CLIC5: variants seen among roughly 807,000 people sequenced by gnomAD.
CLIC5 encodes the protein chloride intracellular channel protein 5.
Under a neutral mutation model 24.7 loss-of-function variants are expected in CLIC5, and 20 were observed. The observed-to-expected ratio is 0.81, with a 90% CI of 0.57 to 1.18. The LOEUF (loss-of-function observed/expected upper bound fraction) is 1.18. CLIC5 is among the 50% of genes most tolerant of loss of function. The pLI, the probability that CLIC5 is intolerant of heterozygous loss-of-function variation, is 0.00. For missense variants in CLIC5, 341 were observed against 326.1 expected (o/e 1.05, Z -0.35); for synonymous variants, 159 against 135.6 (o/e 1.17, Z -1.20).
In CLIC5 at chr6:45,974,205, C is replaced by T. The variant is rs1366107251; in HGVS notation, c.64-18961G>A. Among the ~76,000 whole-genome samples the T allele has an allele frequency of 6.6e-5, 10 of 151,388 alleles. No individual in the cohort carries two copies. The Admixed American group carries it at 6.6e-4, about 10-fold the overall frequency. On this transcript the variant is annotated intron_variant, in intron 1 of 5. Transcript: ENST00000339561. ...ACCACCAGGCTGGGAATCAGAAATC[C>T]TGGGTTTCTGTCCTTATGCTCCCCT...
chr6:45,918,899 C>A (rs1763139233), intron 4 of CLIC5: 1 of 934,738 alleles, frequency 1.1e-6, no homozygotes, highest in African/African-American at 1.8e-5. Flanking sequence ...TATTCATCGT[C>A]ATTCAACAGA....
chr6:46,018,115 G>T (rs184538675), upstream of CLIC5, among the ~76,000 whole-genome samples: 11 of 152,312 alleles, frequency 7.2e-5, no homozygotes, highest in African/African-American at 2.6e-4. Flanking sequence ...TGCCTTCGCT[G>T]CATGATGCAC....
intron 1 of CLIC5, among the ~76,000 whole-genome samples, chr6:46,006,535 G>A (rs752283580): frequency 6.6e-5 from 10 of 151,936 alleles, no homozygotes; most frequent in Non-Finnish European, 8.8e-5. Context: ...GGACACATCC[G>A]GGCTTGTCTT....
chr6:46,024,832 G>A (rs74726346), intron 1 of CLIC5, among the ~76,000 whole-genome samples: 1 of 152,140 alleles, frequency 6.6e-6, no homozygotes, highest in Non-Finnish European at 1.5e-5. Flanking sequence ...TACACTTTAA[G>A]AGTGACGCCA....
intron 1 of CLIC5, among the ~76,000 whole-genome samples, chr6:46,006,004 A>ATGTATATATATATATATATT (rs1366781830): frequency 8.1e-6 from 1 of 123,876 alleles, no homozygotes; most frequent in African/African-American, 2.7e-5. Context: ...ATATATTTAT[A>ATGTATATATATATATATATT]TATATATATA....
At chr6:46,023,990 T>G (rs974410764) in intron 1 of CLIC5, among the ~76,000 whole-genome samples, 12 of 151,992 alleles carry the variant, frequency 7.9e-5, no homozygotes, top group Admixed American at 2.0e-4. Context: ...AATTGACCAG[T>G]AATGATCTTT....
At position 46,015,845 on chromosome 6, in the gene CLIC5, A is replaced by T. The variant is rs2127446589; in HGVS notation, c.-303T>A. The T allele has an allele frequency of 8.9e-7, 1 of 1,121,266 alleles. No individual in the cohort carries two copies. The highest frequency in any genetic ancestry group is 4.4e-5 in the South Asian group (1 of 22,640). The allele number at this position is 1,121,266 out of a possible 1,614,324, so 69.5% of individuals were successfully genotyped here. ...CCGGGCTGCCCGGAGGTGTCACAGG[A>T]TCCGCGACTGTCAGCGATCCCGCCG... On this transcript the variant is annotated 5_prime_UTR_variant, in exon 1 of 6. Transcript: ENST00000339561.
intron 4 of CLIC5, among the ~76,000 whole-genome samples, chr6:45,915,468 C>T (rs921345338): frequency 3.3e-5 from 5 of 152,092 alleles, no homozygotes; most frequent in African/African-American, 1.2e-4. Context: ...TAGAACAGCC[C>T]TTTTTGATGT....
chr6:46,000,108 C>T (rs1766300653), intron 1 of CLIC5, among the ~76,000 whole-genome samples: 1 of 152,048 alleles, frequency 6.6e-6, no homozygotes, highest in Non-Finnish European at 1.5e-5. Context: ...TGTAATAATA[C>T]CATATATAAT....
chr6:45,999,294 TACTTG>T (rs1181051593), intron 1 of CLIC5, among the ~76,000 whole-genome samples: 1 of 152,220 alleles, frequency 6.6e-6, no homozygotes, highest in Non-Finnish European at 1.5e-5. Flanking sequence ...AATGCTCTAT[TACTTG>T]ACAATTGGTG....
At chr6:45,912,570 G>A in intron 5 of CLIC5, 1 of 1,426,524 alleles carries the variant, frequency 7.0e-7, no homozygotes, top group Non-Finnish European at 9.3e-7. Context: ...TGTTCTTCTA[G>A]GCATGAGAAA....
chr6:45,921,804 C>T (rs904674538), intron 4 of CLIC5, among the ~76,000 whole-genome samples: 16 of 152,168 alleles, frequency 1.1e-4, no homozygotes, highest in African/African-American at 2.9e-4. Context: ...TCTCTCCAGG[C>T]CACATGGGTG....
upstream of CLIC5, among the ~76,000 whole-genome samples, chr6:46,085,071 C>T (rs1324293501): frequency 6.6e-6 from 1 of 152,182 alleles, no homozygotes; most frequent in Non-Finnish European, 1.5e-5. Context: ...CGCATTGGCT[C>T]CTGAGGCTTC....
chr6:46,088,426 T>G, the CLIC5 span, among the ~76,000 whole-genome samples: 1 of 152,182 alleles, frequency 6.6e-6, no homozygotes, highest in African/African-American at 2.4e-5. Flanking sequence ...AGCTGTCATT[T>G]TGAATTTCTT....
intron 1 of CLIC5, among the ~76,000 whole-genome samples, chr6:45,968,118 C>T (rs1765077302): frequency 6.6e-6 from 1 of 152,188 alleles, no homozygotes; most frequent in African/African-American, 2.4e-5. Context: ...TAGTCACAGG[C>T]AAAGCCATAA....
intron 1 of CLIC5, among the ~76,000 whole-genome samples, chr6:46,064,172 C>A (rs1334753140): frequency 6.6e-6 from 1 of 151,904 alleles, no homozygotes; most frequent in Non-Finnish European, 1.5e-5. Context: ...AGAGAATTGA[C>A]AATAAATTCA....
chr6:46,114,823 C>A, the CLIC5 span, among the ~76,000 whole-genome samples: 1 of 152,160 alleles, frequency 6.6e-6, no homozygotes, highest in Non-Finnish European at 1.5e-5. Flanking sequence ...CTGCATGTGT[C>A]TGAGGGCTAC....
the CLIC5 span, among the ~76,000 whole-genome samples, chr6:46,099,356 C>G: frequency 1.3e-5 from 2 of 152,178 alleles, no homozygotes; most frequent in Admixed American, 6.5e-5. Flanking sequence ...AACAGAGAAT[C>G]AACCTCCCTT....
chr6:46,079,880 T>G (rs1010510364), exon 1 of CLIC5: 3 of 1,552,020 alleles, frequency 1.9e-6, no homozygotes, highest in Non-Finnish European at 2.6e-6. Context: ...GGAGTTCTGC[T>G]GCGCAGAGTT....
Sources: allele counts gnomAD v4.1 joint callset (sites outside exome capture counted in the v4.1 genomes callset), GRCh38; gene constraint gnomAD v4.1.1; transcripts MANE v1.5; gene names NCBI Gene and HGNC (gene_info 2026-07-23, HGNC 2026-07-21).